CDC42BPA: variants seen among roughly 807,000 people sequenced by gnomAD.
CDC42BPA encodes CDC42 binding protein kinase alpha.
CDC42BPA carries 80 observed loss-of-function variants against 223.5 expected under a neutral mutation model. That is an observed-to-expected ratio of 0.36 (90% CI 0.30 to 0.43). The LOEUF (loss-of-function observed/expected upper bound fraction) is 0.43, where lower values mean the gene tolerates loss of function less well. Among genes scored for constraint, CDC42BPA ranks in the 20% least tolerant of loss-of-function variants. The probability of loss-of-function intolerance (pLI) is 1.00; values close to 1 mark genes in which losing one functional copy is unlikely to be tolerated. For synonymous variants in CDC42BPA, 694 were observed against 718.6 expected (o/e 0.97, Z 0.55); for missense variants, 1,743 against 2,099.9 (o/e 0.83, Z 3.32).
Position 227,005,115 on chromosome 1 carries a change from T to C in CDC42BPA, c.4858-4A>G, listed in dbSNP as rs375301819. 15 of 1,597,392 alleles carry C rather than the reference T, an allele frequency of 9.4e-6. No individual in the cohort carries two copies. In the South Asian group the frequency reaches 1.2e-4, roughly 13 times the overall value. On this transcript the variant is annotated splice_region_variant and splice_polypyrimidine_tract_variant and intron_variant, in intron 34 of 36. Coordinates refer to ENST00000366766, the MANE Select transcript of CDC42BPA (RefSeq NM_001394014.1). ...GACTTTCCTGAGGCCGAGGGTTCTA[T>C]AAACAAAAGCGAGAGAGACATCCTT...
intron 3 of CDC42BPA, among the ~76,000 whole-genome samples, chr1:227,210,401 C>A (rs1310727068): frequency 1.3e-4 from 20 of 152,066 alleles, no homozygotes. Context: ...ATTCTCTCTA[C>A]CTTTTGGGTT....
chr1:227,121,802 CTTTT>C (rs11327691), intron 11 of CDC42BPA, among the ~76,000 whole-genome samples: 3 of 134,110 alleles, frequency 2.2e-5, no homozygotes, highest in African/African-American at 2.8e-5. Flanking sequence ...TCTTTTTTTT[CTTTT>C]TTTTTTTTTT....
chr1:227,080,796 T>G, intron 17 of CDC42BPA, 97 bp downstream of exon 17: 981 of 1,306,580 alleles, frequency 7.5e-4, no homozygotes, highest in Non-Finnish European at 9.8e-4. Flanking sequence ...ATCTGACAAA[T>G]GAGATAAAAA....
intron 31 of CDC42BPA, among the ~76,000 whole-genome samples, chr1:227,024,005 C>G (rs1441529669): frequency 6.6e-6 from 1 of 152,118 alleles, no homozygotes; most frequent in Non-Finnish European, 1.5e-5. Flanking sequence ...CATTTAACTA[C>G]ATTAAAATTA....
intron 1 of CDC42BPA, among the ~76,000 whole-genome samples, chr1:227,295,755 C>T (rs1690542219): frequency 2.0e-5 from 3 of 152,216 alleles, no homozygotes; most frequent in Admixed American, 1.3e-4. Context: ...GAGTATGGCC[C>T]TCATGCCCTC....
intron 16 of CDC42BPA, among the ~76,000 whole-genome samples, chr1:227,085,985 T>C (rs1026926725): frequency 3.9e-5 from 6 of 152,234 alleles, no homozygotes; most frequent in African/African-American, 1.4e-4. Flanking sequence ...CTATTTATAA[T>C]TGATCTTGGT....
At chr1:227,011,786 C>T (rs1487046431) in intron 34 of CDC42BPA, among the ~76,000 whole-genome samples, 6 of 152,106 alleles carry the variant, frequency 3.9e-5, no homozygotes, top group Admixed American at 3.3e-4. Context: ...GAACTACTTC[C>T]GATTACGCAG....
chr1:227,199,175 GGAAA>G (rs777920117), intron 4 of CDC42BPA, among the ~76,000 whole-genome samples: 49 of 152,256 alleles, frequency 3.2e-4, no homozygotes, highest in Non-Finnish European at 6.0e-4. Flanking sequence ...GGAAAATTCT[GGAAA>G]TGATTATTTT....
At chr1:227,295,763 C>G (rs1460941355) in intron 1 of CDC42BPA, among the ~76,000 whole-genome samples, 2 of 152,190 alleles carry the variant, frequency 1.3e-5, no homozygotes, top group Non-Finnish European at 1.5e-5. Flanking sequence ...CCCTCATGCC[C>G]TCATCATCAC....
chr1:227,113,635 A>C (rs775081549), intron 12 of CDC42BPA, among the ~76,000 whole-genome samples: 5 of 152,174 alleles, frequency 3.3e-5, no homozygotes, highest in Non-Finnish European at 7.4e-5. Context: ...ATAAAGGATG[A>C]AATAATAAAA....
chr1:227,248,203 G>C lies in CDC42BPA; in HGVS notation c.270+5861C>G, dbSNP rs183493899. Among the ~76,000 whole-genome samples, 43 of 152,252 alleles carry C rather than the reference G, an allele frequency of 2.8e-4. No individual in the cohort carries two copies. The East Asian group carries it at 8.3e-3, about 29-fold the overall frequency. On this transcript the variant is annotated intron_variant, in intron 2 of 36. Transcript: ENST00000366766. ...GGATAATAAGAACTTTCCAAATCTAGAGAAAGATATCAATATTCAAGTACA... is the reference window on the plus strand; with the variant it reads ...GGATAATAAGAACTTTCCAAATCTACAGAAAGATATCAATATTCAAGTACA...
At chr1:227,038,343 C>G (rs1670720916) in intron 24 of CDC42BPA, among the ~76,000 whole-genome samples, 1 of 152,150 alleles carries the variant, frequency 6.6e-6, no homozygotes, top group Non-Finnish European at 1.5e-5. Flanking sequence ...ATAAATTATG[C>G]AGTCTTGGGT....
intron 1 of CDC42BPA, among the ~76,000 whole-genome samples, chr1:227,302,806 T>C (rs1691874788): frequency 6.6e-6 from 1 of 152,130 alleles, no homozygotes; most frequent in Admixed American, 6.5e-5. Flanking sequence ...ATCTCCTCTT[T>C]TCTATCTCTC....
chr1:227,116,839 G>A (rs12131913), intron 12 of CDC42BPA, among the ~76,000 whole-genome samples: 21,325 of 152,096 alleles, frequency 0.14, 1,879 homozygotes, highest in South Asian at 0.34. Context: ...ATTTCAAGGT[G>A]GGGTGGGAGA....
intron 2 of CDC42BPA, among the ~76,000 whole-genome samples, chr1:227,253,232 G>A (rs555711059): frequency 6.9e-6 from 1 of 145,016 alleles, no homozygotes; most frequent in Non-Finnish European, 1.5e-5. Context: ...AGAGGAGGGA[G>A]AGAGAGAAAG....
chr1:227,047,706 A>G (rs1007010704), intron 23 of CDC42BPA, among the ~76,000 whole-genome samples: 2 of 152,188 alleles, frequency 1.3e-5, no homozygotes, highest in Admixed American at 6.5e-5. Flanking sequence ...ACTTCTTATT[A>G]TAACAGACTT....
intron 23 of CDC42BPA, among the ~76,000 whole-genome samples, chr1:227,043,441 T>C (rs1671796947): frequency 1.3e-5 from 2 of 151,928 alleles, no homozygotes; most frequent in South Asian, 4.1e-4. Context: ...TTTAATTTTC[T>C]TTTTAAAAAT....
At chr1:227,157,454 G>A (rs1663020932) in intron 6 of CDC42BPA, among the ~76,000 whole-genome samples, 1 of 152,156 alleles carries the variant, frequency 6.6e-6, no homozygotes, top group Admixed American at 6.5e-5. Flanking sequence ...TGACAGGTCA[G>A]TAGTCCTTAC....
At chr1:227,309,565 A>C (rs1693161991) in intron 1 of CDC42BPA, among the ~76,000 whole-genome samples, 1 of 152,212 alleles carries the variant, frequency 6.6e-6, no homozygotes, top group Non-Finnish European at 1.5e-5. Context: ...AAAAAACAAT[A>C]CTTAACACTG....
Sources: allele counts gnomAD v4.1 joint callset (sites outside exome capture counted in the v4.1 genomes callset), GRCh38; gene constraint gnomAD v4.1.1; transcripts MANE v1.5; gene names NCBI Gene and HGNC (gene_info 2026-07-23, HGNC 2026-07-21).